The following TCERG1L variants were observed in gnomAD, a reference collection of about 807,000 sequenced individuals.
TCERG1L encodes the protein transcription elongation regulator 1 like.
Under a neutral mutation model 56.3 loss-of-function variants are expected in TCERG1L, and 37 were observed. That is an observed-to-expected ratio of 0.66 (90% CI 0.51 to 0.87). TCERG1L has a LOEUF of 0.87. Ranked by LOEUF, TCERG1L falls within the 40% of genes least tolerant of loss-of-function variation. TCERG1L has a pLI of 0.00. For missense variants in TCERG1L, 799 were observed against 774.2 expected (o/e 1.03, Z -0.38); for synonymous variants, 324 against 326.3 (o/e 0.99, Z 0.08).
At chr10:131,176,237 C>T (rs1846146550) in intron 4 of TCERG1L, among the ~76,000 whole-genome samples, 2 of 151,718 alleles carry the variant, frequency 1.3e-5, no homozygotes, top group Admixed American at 6.6e-5. Flanking sequence ...CACAGATACC[C>T]GTGCACACAC....
At chr10:131,141,061 C>T (rs142966880) in intron 7 of TCERG1L, among the ~76,000 whole-genome samples, 107 of 152,316 alleles carry the variant, frequency 7.0e-4, no homozygotes, top group African/African-American at 2.5e-3. Flanking sequence ...GCTGCAACTA[C>T]CCCGAATAGG....
intron 4 of TCERG1L, among the ~76,000 whole-genome samples, chr10:131,233,658 G>C (rs1845878092): frequency 6.6e-6 from 1 of 152,038 alleles, no homozygotes; most frequent in South Asian, 2.1e-4. Context: ...CATACATTTT[G>C]AAACTATCAA....
At position 131,267,194 on chromosome 10, in the gene TCERG1L, C is replaced by T. The variant is rs200303723; in HGVS notation, c.671-6750G>A. Among the ~76,000 whole-genome samples the T allele has an allele frequency of 6.6e-4, 100 of 152,282 alleles. 1 individual carries two copies. The East Asian group carries it at 0.011, about 17-fold the overall frequency. ...CAGCCCCGTCTCAGCCTCCCACCTG[C>T]GCTCATTGGTGCCCAAAGTCCAGAG... On this transcript the variant is annotated intron_variant, in intron 3 of 11. Transcript: ENST00000368642. The surrounding 1 kb of genome is among the most constrained non-coding windows in gnomAD (Gnocchi z 4.9).
chr10:131,126,568 C>T (rs1380777570), intron 8 of TCERG1L, among the ~76,000 whole-genome samples: 5 of 151,772 alleles, frequency 3.3e-5, no homozygotes, highest in African/African-American at 9.7e-5. Flanking sequence ...CAGCTCTGGC[C>T]TGAGCTCCTG....
intron 3 of TCERG1L, among the ~76,000 whole-genome samples, chr10:131,286,571 C>T (rs1846545287): frequency 1.3e-5 from 2 of 152,004 alleles, no homozygotes; most frequent in Admixed American, 6.6e-5. Flanking sequence ...TATTCTTATA[C>T]TGGAAAAAAT....
intron 6 of TCERG1L, among the ~76,000 whole-genome samples, chr10:131,152,333 G>T (rs1845874291): frequency 6.6e-6 from 1 of 152,034 alleles, no homozygotes; most frequent in African/African-American, 2.4e-5. Context: ...AGATCTCTAC[G>T]GCAAGGGCAA....
intron 4 of TCERG1L, among the ~76,000 whole-genome samples, chr10:131,229,149 G>C (rs893653711): frequency 6.7e-5 from 10 of 149,342 alleles, no homozygotes; most frequent in Non-Finnish European, 1.3e-4. Context: ...CTCCAGACAG[G>C]CATTTCCTCA....
chr10:131,119,568 C>T (rs956682117), intron 8 of TCERG1L, among the ~76,000 whole-genome samples: 8 of 152,186 alleles, frequency 5.3e-5, no homozygotes, highest in African/African-American at 1.7e-4. Flanking sequence ...TCTGACTGCG[C>T]GATGATGGTG....
chr10:131,167,490 C>A (rs1001896894), intron 4 of TCERG1L, among the ~76,000 whole-genome samples: 4 of 152,262 alleles, frequency 2.6e-5, no homozygotes, highest in African/African-American at 9.6e-5. Flanking sequence ...ATCTAAAACA[C>A]TGTTGGCCAA....
intron 7 of TCERG1L, among the ~76,000 whole-genome samples, chr10:131,144,779 T>C (rs905705386): frequency 6.6e-6 from 1 of 152,202 alleles, no homozygotes; most frequent in African/African-American, 2.4e-5. Context: ...TTTCTGGTTG[T>C]AAAACCTTAA....
intron 9 of TCERG1L, among the ~76,000 whole-genome samples, chr10:131,105,666 C>A (rs1311224059): frequency 6.6e-6 from 1 of 152,050 alleles, no homozygotes; most frequent in Non-Finnish European, 1.5e-5. Flanking sequence ...ATATTTAGCC[C>A]ATGCTAGGGC....
In TCERG1L at chr10:131,146,580, T is replaced by A; in HGVS notation, c.1115A>T (p.Asp372Val). ...GTTGAGGTCTCCGCGGTCCTTCAGG[T>A]CCATGGGCTTCTCCCAGACAGACAG... ...MHLSVWEKPMDLKDRGDLNRI... is the reference protein window; with the variant it reads ...MHLSVWEKPMVLKDRGDLNRI... Residue 372 changes from aspartate to valine, a missense_variant, in exon 7 of 12, where the codon GAC becomes GTC. Asp to Val is a radical substitution (Grantham distance 152). Coordinates refer to ENST00000368642, the MANE Select transcript of TCERG1L (RefSeq NM_174937.4). 1 of 1,613,896 alleles carries A rather than the reference T, an allele frequency of 6.2e-7. No homozygotes were observed. Among genetic ancestry groups the A allele is most frequent in the Middle Eastern group, 1.6e-4 (1 of 6,062 alleles).
chr10:131,125,255 G>C (rs971564296), intron 8 of TCERG1L, among the ~76,000 whole-genome samples: 2 of 150,964 alleles, frequency 1.3e-5, no homozygotes, highest in Non-Finnish European at 3.0e-5. Context: ...CATCATCTCA[G>C]GCAGCTTCTG....
chr10:131,290,182 T>C (rs1422688314), intron 3 of TCERG1L, among the ~76,000 whole-genome samples: 5 of 139,874 alleles, frequency 3.6e-5, no homozygotes, highest in East Asian at 2.3e-4. Flanking sequence ...ATGTGTGCAC[T>C]GCTGTGTGTG....
At chr10:131,198,735 C>T (rs1435320879) in intron 4 of TCERG1L, among the ~76,000 whole-genome samples, 2 of 152,198 alleles carry the variant, frequency 1.3e-5, no homozygotes, top group African/African-American at 2.4e-5. Flanking sequence ...CTCATGTATC[C>T]ACTAGGCATT....
At chr10:131,190,953 G>A (rs1362294152) in intron 4 of TCERG1L, among the ~76,000 whole-genome samples, 2 of 143,994 alleles carry the variant, frequency 1.4e-5, no homozygotes, top group Admixed American at 6.9e-5. Context: ...TGATATGATC[G>A]TATACCTAGA....
At chr10:131,280,315 T>C (rs115823436) in intron 3 of TCERG1L, among the ~76,000 whole-genome samples, 2,254 of 152,166 alleles carry the variant, frequency 0.015, 58 homozygotes, top group African/African-American at 0.052. Flanking sequence ...AGGTTGGCCC[T>C]AAGCCATTCC....
At chr10:131,252,356 T>C (rs1415912457) in intron 4 of TCERG1L, among the ~76,000 whole-genome samples, 1 of 152,160 alleles carries the variant, frequency 6.6e-6, no homozygotes, top group Non-Finnish European at 1.5e-5. Context: ...TTTAGGGATG[T>C]TCGTTCAGAG....
chr10:131,302,345 T>TG (rs1256647285), intron 3 of TCERG1L, among the ~76,000 whole-genome samples: 1 of 151,928 alleles, frequency 6.6e-6, no homozygotes, highest in East Asian at 1.9e-4. Flanking sequence ...TTTGTTTTTT[T>TG]TTTTTAAAGG....
Sources: gnomAD v4.1 joint callset for allele counts (sites outside exome capture counted in the v4.1 genomes callset) on GRCh38, gnomAD v4.1.1 for gene constraint, Gnocchi (gnomAD v3.1) non-coding constraint, MANE v1.5 for transcripts, NCBI Gene and HGNC (gene_info 2026-07-23, HGNC 2026-07-21) for gene names.